Variants in ARHGAP21 observed in about 807,000 individuals in gnomAD.
The protein encoded by ARHGAP21 is Rho GTPase activating protein 21, also known as rho GTPase-activating protein 21.
ARHGAP21 carries 38 observed loss-of-function variants against 164.6 expected under a neutral mutation model. The ratio of observed to expected loss-of-function variants is 0.23; its 90% CI spans 0.18 to 0.30. ARHGAP21 has a LOEUF of 0.30. ARHGAP21 is among the 10% of genes least tolerant of loss of function. ARHGAP21 has a pLI of 1.00. For missense variants in ARHGAP21, 1,822 were observed against 2,370.7 expected (o/e 0.77, Z 4.81); for synonymous variants, 766 against 857.9 (o/e 0.89, Z 1.87).
At chr10:24,669,468 T>C (rs1423026922) in intron 3 of ARHGAP21, among the ~76,000 whole-genome samples, 1 of 152,200 alleles carries the variant, frequency 6.6e-6, no homozygotes, top group Admixed American at 6.5e-5. Flanking sequence ...TCATTTCCAT[T>C]ATACTATTGT....
chr10:24,608,714 T>G (rs2077134309), intron 9 of ARHGAP21, among the ~76,000 whole-genome samples: 1 of 152,170 alleles, frequency 6.6e-6, no homozygotes, highest in Non-Finnish European at 1.5e-5. Flanking sequence ...ACATTTCCAT[T>G]TTATGGCCAA....
intron 2 of ARHGAP21, among the ~76,000 whole-genome samples, chr10:24,720,040 G>C (rs1266316126): frequency 6.6e-6 from 1 of 151,956 alleles, no homozygotes; most frequent in Non-Finnish European, 1.5e-5. Flanking sequence ...GCAAAACACA[G>C]GTGATATTGT....
intron 9 of ARHGAP21, among the ~76,000 whole-genome samples, chr10:24,612,889 ATGTGACAAATATCCT>A (rs1334547677): frequency 6.8e-6 from 1 of 146,974 alleles, no homozygotes; most frequent in Non-Finnish European, 1.5e-5. Flanking sequence ...ATAAATTCAA[ATGTGACAAATATCCT>A]TTCTTTTTAT....
At chr10:24,689,964 G>A (rs4611100) in intron 2 of ARHGAP21, among the ~76,000 whole-genome samples, 83,124 of 147,892 alleles carry the variant, frequency 0.56, 23,761 homozygotes, top group African/African-American at 0.66. Context: ...GTGTGTGTGT[G>A]TATATACACA....
chr10:24,602,310 C>T (rs751051594), intron 12 of ARHGAP21, among the ~76,000 whole-genome samples: 65 of 151,990 alleles, frequency 4.3e-4, no homozygotes, highest in African/African-American at 1.5e-3. Context: ...TAACAAATGA[C>T]GTAATTTTCC....
intron 21 of ARHGAP21, among the ~76,000 whole-genome samples, chr10:24,594,184 G>GAGTT (rs2076473174): frequency 6.6e-6 from 1 of 152,082 alleles, no homozygotes; most frequent in African/African-American, 2.4e-5. Context: ...TAATGCCCTT[G>GAGTT]AGTTAGAAAA....
rs1239246591 is a variant in ARHGAP21 at position 24,689,931 on chromosome 10, T to TATATAC, written c.64-19535_64-19534insGTATAT. ...ACATGTATATATGTATATGTATGTA[T>TATATAC]ATGTATATATGTATATGTGTGTGTG... On this transcript the variant is annotated intron_variant, in intron 2 of 25. Transcript: ENST00000396432. Among the ~76,000 whole-genome samples the TATATAC allele has an allele frequency of 1.2e-3, 169 of 140,324 alleles. 4 individuals carry two copies. Among genetic ancestry groups the TATATAC allele is most frequent in the African/African-American group, 3.9e-3 (135 of 34,338 alleles). The allele number at this position is 140,324 out of a possible 152,430, so 92.1% of individuals were successfully genotyped here. A position where few individuals can be genotyped will look rare whatever the true frequency, so the allele number is the denominator to read the frequency against.
At chr10:24,659,091 CAT>C (rs1839402684) in intron 4 of ARHGAP21, among the ~76,000 whole-genome samples, 1 of 152,146 alleles carries the variant, frequency 6.6e-6, no homozygotes, top group Admixed American at 6.5e-5. Flanking sequence ...CTGGTGGAGA[CAT>C]AGAAATGGTA....
At chr10:24,636,873 C>T (rs776073833) in intron 4 of ARHGAP21, among the ~76,000 whole-genome samples, 1 of 152,162 alleles carries the variant, frequency 6.6e-6, no homozygotes, top group Non-Finnish European at 1.5e-5. Context: ...CAACCCACTA[C>T]CTAAAATTAC....
chr10:24,683,433 A>T (rs1841952901), intron 2 of ARHGAP21, among the ~76,000 whole-genome samples: 1 of 151,472 alleles, frequency 6.6e-6, no homozygotes, highest in Non-Finnish European at 1.5e-5. Flanking sequence ...TTTAATTTTT[A>T]CCTGGATAGC....
chr10:24,636,291 C>A (rs1413068533), intron 4 of ARHGAP21, among the ~76,000 whole-genome samples: 1 of 152,146 alleles, frequency 6.6e-6, no homozygotes, highest in East Asian at 1.9e-4. Context: ...AGGAGGTACA[C>A]GGTAGTTCTA....
intron 4 of ARHGAP21, among the ~76,000 whole-genome samples, chr10:24,644,944 C>T (rs1837412533): frequency 6.6e-6 from 1 of 152,200 alleles, no homozygotes; most frequent in South Asian, 2.1e-4. Context: ...GAACTCTCTA[C>T]AGGCATCAGA....
chr10:24,593,350 T>TAAATCTGTGCTGGTGCTG (rs1177450834), intron 21 of ARHGAP21, among the ~76,000 whole-genome samples: 1 of 152,208 alleles, frequency 6.6e-6, no homozygotes, highest in Non-Finnish European at 1.5e-5. Context: ...ATCCTCCTCT[T>TAAATCTGTGCTGGTGCTG]AAATCTGTGC....
chr10:24,693,307 A>G (rs547274647), intron 2 of ARHGAP21, among the ~76,000 whole-genome samples: 9 of 152,238 alleles, frequency 5.9e-5, no homozygotes, highest in African/African-American at 2.2e-4. Context: ...CAACAATAGA[A>G]TTCCCATCAC....
chr10:24,643,169 C>T (rs1213172200), intron 4 of ARHGAP21, among the ~76,000 whole-genome samples: 2 of 152,146 alleles, frequency 1.3e-5, no homozygotes, highest in African/African-American at 2.4e-5. Context: ...AAATATTTAC[C>T]GAGCTCTTAC....
intron 1 of ARHGAP21, chr10:24,723,347 T>TCCCTCCGC (rs904287098): frequency 2.7e-5 from 4 of 148,434 alleles, no homozygotes; most frequent in African/African-American, 9.9e-5. Flanking sequence ...TTTGTGCCCT[T>TCCCTCCGC]CCCTCCGCCC....
At chr10:24,653,463 C>A (rs1315844034) in intron 4 of ARHGAP21, among the ~76,000 whole-genome samples, 1 of 152,030 alleles carries the variant, frequency 6.6e-6, no homozygotes, top group Non-Finnish European at 1.5e-5. Flanking sequence ...ATAGTCCCAG[C>A]TACTTGGGAG....
intron 2 of ARHGAP21, among the ~76,000 whole-genome samples, chr10:24,719,098 TACACACACACACACAC>T (rs57863565): frequency 1.4e-5 from 2 of 147,506 alleles, no homozygotes; most frequent in African/African-American, 2.5e-5. Context: ...CTTCACGGAC[TACACACACACACACAC>T]ACACACACAC....
In ARHGAP21 at chr10:24,703,091, A is replaced by G. The variant is rs754071802; in HGVS notation, c.63+18746T>C. 5.9e-5 allele frequency among the ~76,000 whole-genome samples: 9 copies of G among 152,342 alleles called. No individual in the cohort carries two copies. In the East Asian group the frequency reaches 1.5e-3, roughly 26 times the overall value. On this transcript the variant is annotated intron_variant, in intron 2 of 25. Coordinates refer to ENST00000396432, the MANE Select transcript of ARHGAP21 (RefSeq NM_020824.4). The stretch of plus-strand genomic sequence containing the variant: ...ATGATGTCCTAAAATGGAAAAGTGT[A>G]CATAATATTCCAACTTGTAAAACCC...
Sources: gnomAD v4.1 joint callset for allele counts (sites outside exome capture counted in the v4.1 genomes callset) on GRCh38, gnomAD v4.1.1 for gene constraint, MANE v1.5 for transcripts, NCBI Gene and HGNC (gene_info 2026-07-23, HGNC 2026-07-21) for gene names.